Variants in FBH1 observed in about 807,000 individuals in gnomAD.
FBH1 encodes the protein DNA 3'-5' helicase 1.
In FBH1, 43 loss-of-function variants were observed where a neutral mutation model predicts 115.5. The ratio of observed to expected loss-of-function variants is 0.37; its 90% CI spans 0.29 to 0.48. The LOEUF is 0.48. Ranked by LOEUF, FBH1 falls within the 20% of genes least tolerant of loss-of-function variation. FBH1 has a pLI of 0.99. For synonymous variants in FBH1, 524 were observed against 507.8 expected, an observed-to-expected ratio of 1.03 and a Z score of -0.43; for missense variants, 1,001 against 1,337.3, an observed-to-expected ratio of 0.75 and a Z score of 3.92.
rs988545497 is a variant in FBH1 at position 5,890,277 on chromosome 10, C to T, written c.-69C>T. 2.4e-5 allele frequency: 9 copies of T among 369,860 alleles called. No individual in the cohort carries two copies. The highest frequency in any genetic ancestry group is 1.3e-4 in the African/African-American group (6 of 46,594). The allele number at this position is 369,860 out of a possible 1,614,324, so 22.9% of individuals were successfully genotyped here. Reference sequence around the variant, plus strand: ...AGAGGAGGAGCTCGCTGCCGGGGGACGCTGGGCTGAGCGGCCGGCGGCGCG... The same window carrying T: ...AGAGGAGGAGCTCGCTGCCGGGGGATGCTGGGCTGAGCGGCCGGCGGCGCG... On this transcript the variant is annotated 5_prime_UTR_variant, in exon 1 of 21. It adds an upstream start codon to the 5' untranslated region. Coordinates refer to ENST00000362091, the MANE Select transcript of FBH1 (RefSeq NM_178150.3).
At position 5,918,195 on chromosome 10, in the gene FBH1, G is replaced by A. The variant is rs1832090647; in HGVS notation, c.1964-147G>A. The stretch of plus-strand genomic sequence containing the variant: ...TGTCCATTATAAAATGGCTGCTTTT[G>A]ATGGAGTGTGCCTGTCCTACAGGAA... On this transcript the variant is annotated intron_variant, in intron 12 of 20. Transcript: ENST00000362091. The surrounding 1 kb of genome is among the most constrained non-coding windows in gnomAD (Gnocchi z 4.0). 1 of 838,290 alleles carries A rather than the reference G, an allele frequency of 1.2e-6. No homozygotes were observed. The highest frequency in any genetic ancestry group is 2.6e-5 in the Admixed American group (1 of 38,434). The allele number at this position is 838,290 out of a possible 1,614,324, so 51.9% of individuals were successfully genotyped here. A position where few individuals can be genotyped will look rare whatever the true frequency, so the allele number is the denominator to read the frequency against.
rs764265407 is a variant in FBH1, at chr10:5,921,609, C to T, written c.2322+40C>T. 5.7e-6 allele frequency: 9 copies of T among 1,578,376 alleles called. No homozygotes were observed. The highest frequency in any genetic ancestry group is 2.1e-5 in the Admixed American group (1 of 46,768). On this transcript the variant is annotated intron_variant, in intron 15 of 20. Coordinates refer to ENST00000362091, the MANE Select transcript of FBH1 (RefSeq NM_178150.3). This position sits in a 1 kb window ranked among gnomAD's most constrained non-coding sequence, Gnocchi z 6.4. ...CTGTTGACCACTTCATGCACAGAAACGTTGTAGACGAACATACCCAATGGA... is the reference window on the plus strand; with the variant it reads ...CTGTTGACCACTTCATGCACAGAAATGTTGTAGACGAACATACCCAATGGA...
Position 5,915,724 on chromosome 10 carries a change from T to C in FBH1, c.1565+153T>C. 1 of 662,166 alleles carries C rather than the reference T, an allele frequency of 1.5e-6. No individual in the cohort carries two copies. The highest frequency in any genetic ancestry group is 2.7e-5 in the East Asian group (1 of 36,450). The allele number at this position is 662,166 out of a possible 1,614,324, so 41.0% of individuals were successfully genotyped here. On this transcript the variant is annotated intron_variant, in intron 9 of 20. Coordinates refer to ENST00000362091, the MANE Select transcript of FBH1 (RefSeq NM_178150.3). This position sits in a 1 kb window ranked among gnomAD's most constrained non-coding sequence, Gnocchi z 5.2. Reference sequence around the variant, plus strand: ...TACAGGCAGGAAACAAATACATAGGTTTAGCCATTTGTACTTTTATCCTGT... The same window carrying C: ...TACAGGCAGGAAACAAATACATAGGCTTAGCCATTTGTACTTTTATCCTGT...
Position 5,937,211 on chromosome 10 carries a change from C to T in FBH1, c.3063C>T (p.Arg1021=), listed in dbSNP as rs763859364. The T allele has an allele frequency of 8.1e-6, 13 of 1,613,814 alleles. No homozygotes were observed. The highest frequency in any genetic ancestry group is 1.7e-5 in the Admixed American group (1 of 59,990). Residue 1021 remains arginine (R), a synonymous_variant, in exon 21 of 21, where the codon CGC becomes CGT. Coordinates refer to ENST00000362091, the MANE Select transcript of FBH1 (RefSeq NM_178150.3). ...TGACAGCCTCCCCGGAGCAGGTGCG[C>T]GCCATGGAGCGCACTGTGGAGAACA... is the stretch of plus-strand genomic sequence containing the variant. ...AFLTASPEQV[R]AMERTVENIV... is the part of the protein sequence containing the mutation.
At position 5,909,283 on chromosome 10, in the gene FBH1, G is replaced by A. The variant is rs1261759415; in HGVS notation, c.1009G>A (p.Ala337Thr). 3 of 1,610,060 alleles carry A rather than the reference G, an allele frequency of 1.9e-6. No individual in the cohort carries two copies. In the South Asian group the frequency reaches 3.3e-5, roughly 18 times the overall value. The change falls in exon 5 of 21, where the codon GCT becomes ACT. Residue 337 changes from alanine to threonine, a missense_variant. By Grantham distance (58) the Ala-to-Thr change is moderately conservative (BLOSUM62 0). Around this residue, in one of 4 missense-constraint regions of FBH1, gnomAD observed 59 missense variants for 79.7 expected, o/e 0.74. Transcript: ENST00000362091. The surrounding 1 kb of genome is among the most constrained non-coding windows in gnomAD (Gnocchi z 4.4). The stretch of plus-strand genomic sequence containing the variant: ...GCGGCAACACCTCCCCGACCTCTAC[G>A]CTGCTGCCGGGGTAGGTCTGGAGGC... Reference protein sequence around the residue: ...CVRQHLPDLYAAAGGVNIWAL... With the variant: ...CVRQHLPDLYTAAGGVNIWAL...
chr10:5,903,171 T>C lies in FBH1; in HGVS notation c.153T>C (p.Ser51=), dbSNP rs1235597325. 2 of 1,607,300 alleles carry C rather than the reference T, an allele frequency of 1.2e-6. No homozygotes were observed. The highest frequency in any genetic ancestry group is 3.4e-5 in the Admixed American group (2 of 59,194). The part of the protein sequence containing the change: ...LYPKPRTKRG[S]RGQGSQRCIP... Reference sequence around the variant, plus strand: ...CTAAACCGAGAACAAAAAGAGGGAGTAGGGGTATGTCTCCTCTAAAACTCT... The same window carrying C: ...CTAAACCGAGAACAAAAAGAGGGAGCAGGGGTATGTCTCCTCTAAAACTCT... Residue 51 remains serine, a synonymous_variant, in exon 2 of 21, where the codon AGT becomes AGC. Coordinates refer to ENST00000362091, the MANE Select transcript of FBH1 (RefSeq NM_178150.3).
Position 5,931,862 on chromosome 10 carries a change from G to A in FBH1, c.2829+4321G>A, listed in dbSNP as rs548614180. Among the ~76,000 whole-genome samples, 81 of 152,092 alleles carry A rather than the reference G, an allele frequency of 5.3e-4. No individual in the cohort carries two copies. Among genetic ancestry groups the A allele is most frequent in the Non-Finnish European group, 9.8e-4 (67 of 68,032 alleles). ...AATGTTTTCAAAGTCAAAACCTTGCGCCTGGGCACAGTGGCTCACCCCTGT... is the reference window on the plus strand; with the variant it reads ...AATGTTTTCAAAGTCAAAACCTTGCACCTGGGCACAGTGGCTCACCCCTGT... On this transcript the variant is annotated intron_variant, in intron 19 of 20. Coordinates refer to ENST00000362091, the MANE Select transcript of FBH1 (RefSeq NM_178150.3). This position sits in a 1 kb window ranked among gnomAD's most constrained non-coding sequence, Gnocchi z 4.3.
In FBH1 at chr10:5,917,619, C is replaced by A; in HGVS notation, c.1906C>A (p.Pro636Thr). 1.2e-6 allele frequency: 2 copies of A among 1,614,184 alleles called. No individual in the cohort carries two copies. Among genetic ancestry groups the A allele is most frequent in the Non-Finnish European group, 8.5e-7 (1 of 1,180,024 alleles). ...CTTGAAACTCTGGCAGCTGAGCAAGCCTTCGCTGGCCTCTTTTGACGCCAT... is the reference window on the plus strand; with the variant it reads ...CTTGAAACTCTGGCAGCTGAGCAAGACTTCGCTGGCCTCTTTTGACGCCAT... The part of the protein sequence containing the change: ...GYLKLWQLSK[P>T]SLASFDAIFV... Residue 636 changes from proline (P) to threonine (T), a missense_variant, in exon 12 of 21, where the codon CCT becomes ACT. Around this residue, in one of 4 missense-constraint regions of FBH1, gnomAD observed 521 missense variants for 811.0 expected, o/e 0.64. Transcript: ENST00000362091. This position sits in a 1 kb window ranked among gnomAD's most constrained non-coding sequence, Gnocchi z 5.6.
At position 5,925,469 on chromosome 10, in the gene FBH1, C is replaced by G. The variant is rs781136363; in HGVS notation, c.2699C>G (p.Pro900Arg). 9 of 1,614,048 alleles carry G rather than the reference C, an allele frequency of 5.6e-6. No homozygotes were observed. The highest frequency in any genetic ancestry group is 2.2e-5 in the South Asian group (2 of 91,076). ...VKVPCARHNL[P>R]QLPHFRVESF... is the part of the protein sequence containing the mutation. Reference sequence around the variant, plus strand: ...GTGCCTTGTGCCCGGCATAACCTGCCCCAGCTTCCGCACTTCAGAGTTGGT... The same window carrying G: ...GTGCCTTGTGCCCGGCATAACCTGCGCCAGCTTCCGCACTTCAGAGTTGGT... The change falls in exon 18 of 21, where the codon CCC becomes CGC. Residue 900 changes from proline to arginine, a missense_variant. Around this residue, in one of 4 missense-constraint regions of FBH1, gnomAD observed 521 missense variants for 811.0 expected, o/e 0.64. Transcript: ENST00000362091. The surrounding 1 kb of genome is among the most constrained non-coding windows in gnomAD (Gnocchi z 4.6).
In FBH1 at chr10:5,897,577, A is replaced by G. The variant is rs1352474868; in HGVS notation, c.2-5443A>G. Among the ~76,000 whole-genome samples, 1 of 152,180 alleles carries G rather than the reference A, an allele frequency of 6.6e-6. No individual in the cohort carries two copies. The highest frequency in any genetic ancestry group is 2.4e-5 in the African/African-American group (1 of 41,444). ...CAATAAAAGTGTTAATAAAAATCCAATAAAAGTACCAGCTCTCCCGCCAGC... is the reference window on the plus strand; with the variant it reads ...CAATAAAAGTGTTAATAAAAATCCAGTAAAAGTACCAGCTCTCCCGCCAGC... On this transcript the variant is annotated intron_variant, in intron 1 of 20. Transcript: ENST00000362091. This position sits in a 1 kb window ranked among gnomAD's most constrained non-coding sequence, Gnocchi z 4.7.
rs1472298576 is a variant in FBH1 at position 5,911,342 on chromosome 10, G to A, written c.1211+214G>A. On this transcript the variant is annotated intron_variant, in intron 6 of 20. Coordinates refer to ENST00000362091, the MANE Select transcript of FBH1 (RefSeq NM_178150.3). The surrounding 1 kb of genome is among the most constrained non-coding windows in gnomAD (Gnocchi z 5.4). ...GCCTTATGAACGTGCAGTTCTGAGC[G>A]GCTGCGAGATACCACTAAGGCTGAT... is the stretch of plus-strand genomic sequence containing the variant. Among the ~76,000 whole-genome samples the A allele has an allele frequency of 2.0e-5, 3 of 152,202 alleles. No individual in the cohort carries two copies. The highest frequency in any genetic ancestry group is 4.4e-5 in the Non-Finnish European group (3 of 68,030).
Position 5,909,338 on chromosome 10 carries a change from G to C in FBH1, c.1020+44G>C. The C allele has an allele frequency of 6.3e-7, 1 of 1,585,566 alleles. No individual in the cohort carries two copies. Among genetic ancestry groups the C allele is most frequent in the Non-Finnish European group, 8.5e-7 (1 of 1,171,230 alleles). Reference sequence around the variant, plus strand: ...GGAGAAGGCGGCATGTTATTTCACTGGAGGAAAGTGTACTGGTGATTCAGT... The same window carrying C: ...GGAGAAGGCGGCATGTTATTTCACTCGAGGAAAGTGTACTGGTGATTCAGT... On this transcript the variant is annotated intron_variant, in intron 5 of 20. Transcript: ENST00000362091. This position sits in a 1 kb window ranked among gnomAD's most constrained non-coding sequence, Gnocchi z 4.4.
rs202046021 is a variant in FBH1 at position 5,897,370 on chromosome 10, A to AGAGGAGGTGGACACAGGGCTCCTGCG, written c.2-5625_2-5600dup. ...CATTAAGTGTAAAGCGTGTAATTGC[A>AGAGGAGGTGGACACAGGGCTCCTGCG]GAGGAGGTGGACACAGGGCTCCTGC... On this transcript the variant is annotated intron_variant, in intron 1 of 20. Coordinates refer to ENST00000362091, the MANE Select transcript of FBH1 (RefSeq NM_178150.3). The surrounding 1 kb of genome is among the most constrained non-coding windows in gnomAD (Gnocchi z 4.7). Among the ~76,000 whole-genome samples, 73 of 152,248 alleles carry AGAGGAGGTGGACACAGGGCTCCTGCG rather than the reference A, an allele frequency of 4.8e-4. No individual in the cohort carries two copies. Among genetic ancestry groups the AGAGGAGGTGGACACAGGGCTCCTGCG allele is most frequent in the Non-Finnish European group, 6.6e-4 (45 of 68,002 alleles).
Position 5,914,061 on chromosome 10 carries a change from C to G in FBH1, c.1305-117C>G, listed in dbSNP as rs1831775955. ...ACATGTTTATTCTCGTAAGGGGAGG[C>G]CTTTTTTTTGGTCAGCTTTTGTTTA... On this transcript the variant is annotated intron_variant, in intron 7 of 20. Coordinates refer to ENST00000362091, the MANE Select transcript of FBH1 (RefSeq NM_178150.3). This position sits in a 1 kb window ranked among gnomAD's most constrained non-coding sequence, Gnocchi z 5.2. 1.0e-6 allele frequency: 1 copy of G among 994,234 alleles called. No homozygotes were observed. The highest frequency in any genetic ancestry group is 1.5e-6 in the Non-Finnish European group (1 of 652,392). 61.6% of individuals were successfully genotyped at this position (994,234 alleles called of 1,614,324 possible).
At chr10:5,892,163 C>G (rs1382759063) in intron 1 of FBH1, among the ~76,000 whole-genome samples, 2 of 152,290 alleles carry the variant, frequency 1.3e-5, no homozygotes, top group Non-Finnish European at 2.9e-5. Flanking sequence ...TCCGGTTGGG[C>G]TGCTCATTTC....
chr10:5,930,658 C>T (rs928214059), intron 19 of FBH1, among the ~76,000 whole-genome samples: 1 of 152,134 alleles, frequency 6.6e-6, no homozygotes, highest in Non-Finnish European at 1.5e-5. Context: ...GATTGCTCAT[C>T]TTTTGAAGAG....
chr10:5,912,745 T>G (rs1189644038), intron 6 of FBH1, among the ~76,000 whole-genome samples: 1 of 152,254 alleles, frequency 6.6e-6, no homozygotes, highest in Non-Finnish European at 1.5e-5. Flanking sequence ...TTCTTGTGTA[T>G]CAGGGCCCTG....
At chr10:5,893,124 G>A (rs746514340) in intron 1 of FBH1, among the ~76,000 whole-genome samples, 30 of 152,294 alleles carry the variant, frequency 2.0e-4, no homozygotes, top group Non-Finnish European at 3.4e-4. Context: ...TGGGCAACAC[G>A]GTGAAATCCT....
At position 5,924,054 on chromosome 10, in the gene FBH1, C is replaced by G. The variant is rs1832475047; in HGVS notation, c.2399-257C>G. The G allele has an allele frequency of 3.5e-6, 2 of 578,590 alleles. No individual in the cohort carries two copies. The highest frequency in any genetic ancestry group is 3.0e-5 in the Admixed American group (1 of 33,190). 35.8% of individuals were successfully genotyped at this position (578,590 alleles called of 1,614,324 possible). ...CGCTTTTCTTTTCCTGTTGACTGCACTATTTCAAATCCCTGTGAAGTAGGT... is the reference window on the plus strand; with the variant it reads ...CGCTTTTCTTTTCCTGTTGACTGCAGTATTTCAAATCCCTGTGAAGTAGGT... On this transcript the variant is annotated intron_variant, in intron 16 of 20. Transcript: ENST00000362091. The surrounding 1 kb of genome is among the most constrained non-coding windows in gnomAD (Gnocchi z 6.2).
Sources: allele counts gnomAD v4.1 joint callset (sites outside exome capture counted in the v4.1 genomes callset), GRCh38; gene constraint gnomAD v4.1.1; regional missense constraint gnomAD v4.1.1; non-coding constraint Gnocchi (gnomAD v3.1); transcripts MANE v1.5; gene names NCBI Gene and HGNC (gene_info 2026-07-23, HGNC 2026-07-21).